Variants in TOM1L2 observed in about 807,000 individuals in gnomAD.
TOM1L2 encodes the protein target of myb1 like 2 membrane trafficking protein, also known as TOM1-like protein 2.
A neutral mutation model predicts 67.9 loss-of-function variants in TOM1L2; 31 were observed. That is an observed-to-expected ratio of 0.46 (90% CI 0.34 to 0.62). TOM1L2 has a LOEUF of 0.62. Among genes scored for constraint, TOM1L2 ranks in the 20% least tolerant of loss-of-function variants. The pLI is 0.01. For missense variants in TOM1L2, 606 were observed against 663.5 expected, an observed-to-expected ratio of 0.91 and a Z score of 0.95; for synonymous variants, 256 against 254.0, an observed-to-expected ratio of 1.01 and a Z score of -0.07.
chr17:17,866,910 CT>C lies in TOM1L2; in HGVS notation c.925del (p.Arg309GlyfsTer14). The C allele has an allele frequency of 6.2e-7, 1 of 1,614,036 alleles. No homozygotes were observed. Among genetic ancestry groups the C allele is most frequent in the Non-Finnish European group, 8.5e-7 (1 of 1,179,950 alleles). ...GGCATTTTGAACGGATCGGCCAGAC[CT>C]GTATCGTTCGAACCTAACAGGGGAA... ...FLRYERFERY[R>X]SGRSVQNASN... On this transcript the variant is annotated frameshift_variant, in exon 9 of 15. Coordinates refer to ENST00000379504, the MANE Select transcript of TOM1L2 (RefSeq NM_001082968.2). LOFTEE classifies it high-confidence loss of function.
chr17:17,866,801 G>C, intron 9 of TOM1L2, 75 bp downstream of exon 9: 1 of 1,387,356 alleles, frequency 7.2e-7, no homozygotes. Flanking sequence ...AAAAACTGGA[G>C]GTCTCTCCAG....
chr17:17,934,855 G>A (rs893266210), intron 1 of TOM1L2, among the ~76,000 whole-genome samples: 1 of 152,176 alleles, frequency 6.6e-6, no homozygotes, highest in Non-Finnish European at 1.5e-5. Context: ...AGATTTAACA[G>A]GGGAAAACCT....
chr17:17,861,673 T>C (rs2036567589), intron 11 of TOM1L2, 122 bp from the exon 12 acceptor site: 5 of 835,332 alleles, frequency 6.0e-6, no homozygotes, highest in Non-Finnish European at 9.6e-6. Context: ...TGGAAAAACA[T>C]TTCCTGAAAC....
At chr17:17,912,159 G>A (rs1280231654) in intron 1 of TOM1L2, among the ~76,000 whole-genome samples, 2 of 152,266 alleles carry the variant, frequency 1.3e-5, no homozygotes, top group African/African-American at 4.8e-5. Flanking sequence ...GGTTCTCAAT[G>A]AGCCGCTGGG....
At chr17:17,920,335 ATT>A (rs771122365) in intron 1 of TOM1L2, among the ~76,000 whole-genome samples, 6 of 93,256 alleles carry the variant, frequency 6.4e-5, no homozygotes, top group African/African-American at 1.4e-4. Context: ...AATGTTCAAT[ATT>A]TTTTTTTTTT....
At chr17:17,919,860 C>T (rs1049743347) in intron 1 of TOM1L2, among the ~76,000 whole-genome samples, 1 of 152,122 alleles carries the variant, frequency 6.6e-6, no homozygotes, top group Non-Finnish European at 1.5e-5. Context: ...TACCATCCCA[C>T]GCCCCAGCCG....
At chr17:17,967,232 A>G (rs1243385149) in intron 1 of TOM1L2, among the ~76,000 whole-genome samples, 1 of 152,280 alleles carries the variant, frequency 6.6e-6, no homozygotes, top group South Asian at 2.1e-4. Context: ...AAACTCTGCA[A>G]CAGAATATCT....
intron 1 of TOM1L2, among the ~76,000 whole-genome samples, chr17:17,917,085 A>G (rs1433283408): frequency 6.6e-6 from 1 of 152,142 alleles, no homozygotes; most frequent in Non-Finnish European, 1.5e-5. Context: ...ACTTGAACTC[A>G]GCAGGCAGAG....
At chr17:17,914,347 G>T (rs999598317) in intron 1 of TOM1L2, among the ~76,000 whole-genome samples, 1 of 152,164 alleles carries the variant, frequency 6.6e-6, no homozygotes, top group Non-Finnish European at 1.5e-5. Context: ...TCTGCCCTCA[G>T]TCTTTTCTTC....
chr17:17,929,057 C>T (rs139851670), intron 1 of TOM1L2, among the ~76,000 whole-genome samples: 5 of 152,318 alleles, frequency 3.3e-5, no homozygotes, highest in African/African-American at 1.2e-4. Flanking sequence ...GAAGATTCCC[C>T]AAGCACTGCT....
At position 17,923,380 on chromosome 17, in the gene TOM1L2, G is replaced by A. The variant is rs139707511; in HGVS notation, c.53-15849C>T. On this transcript the variant is annotated intron_variant, in intron 1 of 14. Coordinates refer to ENST00000379504, the MANE Select transcript of TOM1L2 (RefSeq NM_001082968.2). ...CGCGCCACTGCATTCCAGTCTGGGCGACAAGAGTGAAACTCCATCTCAAAC... is the reference window on the plus strand; with the variant it reads ...CGCGCCACTGCATTCCAGTCTGGGCAACAAGAGTGAAACTCCATCTCAAAC... Among the ~76,000 whole-genome samples the A allele has an allele frequency of 6.6e-5, 10 of 151,926 alleles. No homozygotes were observed. In the East Asian group the frequency reaches 1.6e-3, roughly 24 times the overall value.
intron 2 of TOM1L2, among the ~76,000 whole-genome samples, chr17:17,903,311 C>T (rs115234022): frequency 7.6e-4 from 116 of 152,296 alleles, no homozygotes; most frequent in African/African-American, 2.5e-3. Flanking sequence ...ATGCATTGTG[C>T]TAGGTGCTAG....
At chr17:17,891,426 T>A (rs1288706793) in intron 4 of TOM1L2, among the ~76,000 whole-genome samples, 1 of 151,796 alleles carries the variant, frequency 6.6e-6, no homozygotes, top group Admixed American at 6.6e-5. Flanking sequence ...AGCTTGGAGG[T>A]GAGGGCAGGG....
chr17:17,873,939 TTTAC>T (rs1329934996), intron 7 of TOM1L2, among the ~76,000 whole-genome samples: 5 of 152,186 alleles, frequency 3.3e-5, no homozygotes, highest in African/African-American at 1.2e-4. Flanking sequence ...CCATACTTTA[TTTAC>T]TTATTTACTT....
intron 1 of TOM1L2, among the ~76,000 whole-genome samples, chr17:17,941,199 T>C (rs1451514931): frequency 6.6e-6 from 1 of 152,156 alleles, no homozygotes. Context: ...CCCCCTGAAG[T>C]TCCTGTTCCA....
At chr17:17,858,226 A>AT (rs10664045) in intron 12 of TOM1L2, 15,744 of 156,568 alleles carry the variant, frequency 0.1, 967 homozygotes, top group African/African-American at 0.18. Flanking sequence ...TTTTTCCTAC[A>AT]TTTTTTTTTT....
At chr17:17,888,670 T>C (rs1438271507) in intron 4 of TOM1L2, among the ~76,000 whole-genome samples, 1 of 152,182 alleles carries the variant, frequency 6.6e-6, no homozygotes, top group Non-Finnish European at 1.5e-5. Flanking sequence ...CAGTTCACTT[T>C]CTTCAGTGGA....
intron 1 of TOM1L2, among the ~76,000 whole-genome samples, chr17:17,958,678 A>C (rs1361304280): frequency 6.6e-6 from 1 of 152,254 alleles, no homozygotes; most frequent in Non-Finnish European, 1.5e-5. Context: ...ACTGTGATAC[A>C]GTAAGAAATA....
chr17:17,944,961 C>T (rs1286191782), intron 1 of TOM1L2, among the ~76,000 whole-genome samples: 2 of 152,200 alleles, frequency 1.3e-5, no homozygotes. Flanking sequence ...CAACACCGTA[C>T]TCCTGACATT....
Sources: gnomAD v4.1 joint callset for allele counts (sites outside exome capture counted in the v4.1 genomes callset) on GRCh38, gnomAD v4.1.1 for gene constraint, MANE v1.5 for transcripts, NCBI Gene and HGNC (gene_info 2026-07-23, HGNC 2026-07-21) for gene names.